The following RIMS1 variants were observed in gnomAD, a reference collection of about 807,000 sequenced individuals.
The protein encoded by RIMS1 is regulating synaptic membrane exocytosis 1, also known as regulating synaptic membrane exocytosis protein 1.
A neutral mutation model predicts 214.1 loss-of-function variants in RIMS1; 83 were observed. The ratio of observed to expected loss-of-function variants is 0.39; its 90% CI spans 0.32 to 0.47. The LOEUF (loss-of-function observed/expected upper bound fraction) is 0.47. RIMS1 is among the 20% of genes least tolerant of loss of function. The probability of loss-of-function intolerance (pLI) is 0.99; values close to 1 mark genes in which losing one functional copy is unlikely to be tolerated. For synonymous variants in RIMS1, 793 were observed against 786.8 expected, an observed-to-expected ratio of 1.01 and a Z score of -0.13; for missense variants, 2,050 against 2,161.8, an observed-to-expected ratio of 0.95 and a Z score of 1.03.
At chr6:72,134,039 T>G (rs1212278041) in intron 4 of RIMS1, among the ~76,000 whole-genome samples, 4 of 152,102 alleles carry the variant, frequency 2.6e-5, no homozygotes, top group Non-Finnish European at 4.4e-5. Context: ...ATAATATACA[T>G]ACAGCACCTT....
At chr6:71,906,971 A>G (rs1225764857) in intron 1 of RIMS1, among the ~76,000 whole-genome samples, 2 of 152,296 alleles carry the variant, frequency 1.3e-5, no homozygotes, top group East Asian at 3.9e-4. Context: ...CTGTGTGAGC[A>G]CTGTTTAAAG....
chr6:72,373,158 A>G (rs1176103226), intron 29 of RIMS1, among the ~76,000 whole-genome samples: 1 of 152,166 alleles, frequency 6.6e-6, no homozygotes. Context: ...TAAGGTTTCA[A>G]TGCTAAGTTT....
chr6:72,367,948 A>G (rs1185359946), intron 29 of RIMS1, among the ~76,000 whole-genome samples: 5 of 152,114 alleles, frequency 3.3e-5, no homozygotes, highest in Non-Finnish European at 5.9e-5. Flanking sequence ...CCTAATTTCA[A>G]TTTTATTTAA....
At chr6:72,248,262 G>T in intron 12 of RIMS1, 135 bp downstream of exon 12, 3 of 527,208 alleles carry the variant, frequency 5.7e-6, no homozygotes, top group East Asian at 2.9e-5. Flanking sequence ...TACTTCATTA[G>T]TTTTTCATGC....
chr6:72,322,200 G>A (rs2096208730), intron 28 of RIMS1, among the ~76,000 whole-genome samples: 1 of 152,042 alleles, frequency 6.6e-6, no homozygotes, highest in African/African-American at 2.4e-5. Context: ...ATATGTAAGA[G>A]CTAGGGGAAG....
intron 29 of RIMS1, among the ~76,000 whole-genome samples, chr6:72,378,518 A>G (rs2098430217): frequency 6.6e-6 from 1 of 152,202 alleles, no homozygotes; most frequent in Non-Finnish European, 1.5e-5. Flanking sequence ...TTTGTTTCAG[A>G]ATATTAAACT....
At chr6:72,167,040 T>C (rs1195577278) in intron 4 of RIMS1, among the ~76,000 whole-genome samples, 1 of 152,050 alleles carries the variant, frequency 6.6e-6, no homozygotes, top group Non-Finnish European at 1.5e-5. Flanking sequence ...TATCCTTAAA[T>C]GTACTGTTAG....
At position 72,181,557 on chromosome 6, in the gene RIMS1, T is replaced by C. The variant is rs544326755; in HGVS notation, c.813-727T>C. 1.9e-4 allele frequency among the ~76,000 whole-genome samples: 29 copies of C among 152,344 alleles called. No homozygotes were observed. The South Asian group carries it at 6.0e-3, about 32-fold the overall frequency. The stretch of plus-strand genomic sequence containing the variant: ...CTATAAAAATTTCAAGAACAAGGGC[T>C]GAATAGATACTTTTTGTTCTGACTT... On this transcript the variant is annotated intron_variant, in intron 5 of 33. Coordinates refer to ENST00000521978, the MANE Select transcript of RIMS1 (RefSeq NM_014989.7).
At chr6:72,184,269 A>C (rs759089600) in intron 6 of RIMS1, among the ~76,000 whole-genome samples, 4 of 152,230 alleles carry the variant, frequency 2.6e-5, no homozygotes, top group Non-Finnish European at 5.9e-5. Flanking sequence ...CATTACAAGA[A>C]AAAGTTGAAT....
At chr6:72,093,642 G>A (rs1234021807) in intron 2 of RIMS1, among the ~76,000 whole-genome samples, 1 of 151,810 alleles carries the variant, frequency 6.6e-6, no homozygotes. Context: ...TATAACATTT[G>A]TGATTCCTCA....
At chr6:71,947,081 A>G (rs1461439604) in intron 1 of RIMS1, among the ~76,000 whole-genome samples, 3 of 152,092 alleles carry the variant, frequency 2.0e-5, no homozygotes, top group Admixed American at 6.6e-5. Flanking sequence ...AATTAAAACC[A>G]CAGTGAGATA....
chr6:71,919,536 T>C (rs972489163), intron 1 of RIMS1, among the ~76,000 whole-genome samples: 1 of 152,086 alleles, frequency 6.6e-6, no homozygotes, highest in African/African-American at 2.4e-5. Context: ...AATTTAAGAC[T>C]GGCACTTGGG....
At chr6:72,257,882 C>T (rs759162355) in intron 16 of RIMS1, among the ~76,000 whole-genome samples, 8 of 152,136 alleles carry the variant, frequency 5.3e-5, no homozygotes, top group Non-Finnish European at 1.2e-4. Flanking sequence ...CATCAACTGT[C>T]ATATTCATAT....
At chr6:72,068,549 A>G (rs1477311626) in intron 2 of RIMS1, among the ~76,000 whole-genome samples, 2 of 152,168 alleles carry the variant, frequency 1.3e-5, no homozygotes, top group Non-Finnish European at 2.9e-5. Context: ...GTTCAAAGCT[A>G]TGAGAAGATT....
chr6:72,020,534 G>A (rs1381604753), intron 2 of RIMS1, among the ~76,000 whole-genome samples: 1 of 152,112 alleles, frequency 6.6e-6, no homozygotes, highest in Non-Finnish European at 1.5e-5. Context: ...CCTCCTAGGG[G>A]TCTTCTCACT....
At chr6:71,955,921 T>C (rs1261554527) in intron 1 of RIMS1, among the ~76,000 whole-genome samples, 1 of 152,150 alleles carries the variant, frequency 6.6e-6, no homozygotes, top group Admixed American at 6.6e-5. Context: ...ATAAAGACAG[T>C]GTCACGTTTA....
chr6:72,285,658 A>G (rs990322599), intron 24 of RIMS1, among the ~76,000 whole-genome samples: 4 of 152,198 alleles, frequency 2.6e-5, no homozygotes, highest in African/African-American at 4.8e-5. Flanking sequence ...AAATTGATCA[A>G]TCGATAGATA....
intron 2 of RIMS1, among the ~76,000 whole-genome samples, chr6:72,080,462 C>G (rs1833087682): frequency 6.6e-6 from 1 of 152,142 alleles, no homozygotes; most frequent in South Asian, 2.1e-4. Context: ...ACTGGAGTCT[C>G]AGCTTTCCTC....
intron 2 of RIMS1, among the ~76,000 whole-genome samples, chr6:72,015,993 T>C (rs1438864907): frequency 6.6e-6 from 1 of 152,196 alleles, no homozygotes; most frequent in Non-Finnish European, 1.5e-5. Context: ...AGTTCTATTT[T>C]AGTTTACTGA....
Sources: allele counts gnomAD v4.1 joint callset (sites outside exome capture counted in the v4.1 genomes callset), GRCh38; gene constraint gnomAD v4.1.1; transcripts MANE v1.5; gene names NCBI Gene and HGNC (gene_info 2026-07-23, HGNC 2026-07-21).